The following ADGRG2 variants were observed in gnomAD, a reference collection of about 807,000 sequenced individuals.
The protein encoded by ADGRG2 is adhesion G protein-coupled receptor G2, also known as G protein-coupled receptor 64.
A neutral mutation model predicts 74.1 loss-of-function variants in ADGRG2; 26 were observed. The observed-to-expected ratio is 0.35, with a 90% CI of 0.26 to 0.49. The LOEUF (loss-of-function observed/expected upper bound fraction) is 0.49. Among genes scored for constraint, ADGRG2 ranks in the 20% least tolerant of loss-of-function variants. The pLI, the probability that ADGRG2 is intolerant of heterozygous loss-of-function variation, is 0.99. For synonymous variants in ADGRG2, 296 were observed against 295.2 expected, an observed-to-expected ratio of 1.00 and a Z score of -0.03; for missense variants, 619 against 763.1, an observed-to-expected ratio of 0.81 and a Z score of 2.22.
At chrX:19,093,902 T>TAC (rs61296210) in intron 1 of ADGRG2, among the ~76,000 whole-genome samples, 3,475 of 100,089 alleles carry the variant, frequency 0.035, 74 homozygotes, top group African/African-American at 0.066. Flanking sequence ...TATGTAGGTA[T>TAC]ACACACACAC....
intron 16 of ADGRG2, among the ~76,000 whole-genome samples, chrX:19,011,597 T>C (rs1420294695): frequency 1.8e-5 from 2 of 112,130 alleles, no homozygotes; most frequent in Admixed American, 9.4e-5. Flanking sequence ...CCCAGCACTT[T>C]GGGAGGCTCT....
intron 1 of ADGRG2, among the ~76,000 whole-genome samples, chrX:19,084,186 G>C (rs191822922): frequency 9.0e-6 from 1 of 110,933 alleles, no homozygotes; most frequent in East Asian, 2.9e-4. Context: ...ATTATCTTCA[G>C]CAAACTAATG....
chrX:19,020,670 T>TA (rs753681131), intron 14 of ADGRG2, among the ~76,000 whole-genome samples: 4 of 111,550 alleles, frequency 3.6e-5, no homozygotes, highest in Non-Finnish European at 7.5e-5. Flanking sequence ...TAGGGCTCTT[T>TA]AAAAATTGCC....
chrX:19,022,423 T>C lies in ADGRG2; in HGVS notation c.548+993A>G, dbSNP rs1216298375. On this transcript the variant is annotated intron_variant, in intron 13 of 28. Coordinates refer to ENST00000379869, the MANE Select transcript of ADGRG2 (RefSeq NM_001079858.3). ...AGGTCAGTGAAATGAACTAAATACG[T>C]ACAGTGGACAGGGAATACAATTTCA... Among the ~76,000 whole-genome samples, 3 of 111,865 alleles carry C rather than the reference T, an allele frequency of 2.7e-5. No individual in the cohort carries two copies. In the Admixed American group the frequency reaches 2.8e-4, roughly 11 times the overall value.
intron 2 of ADGRG2, 30 bp from the exon 3 acceptor site, chrX:19,068,865 T>C (rs753011653): frequency 1.4e-6 from 1 of 716,020 alleles, no homozygotes; most frequent in Non-Finnish European, 2.2e-6. Flanking sequence ...AGACAGATCA[T>C]CACAGCTGCC....
intron 6 of ADGRG2, among the ~76,000 whole-genome samples, chrX:19,036,605 A>G (rs1266795408): frequency 1.1e-5 from 1 of 88,030 alleles, no homozygotes; most frequent in Non-Finnish European, 2.3e-5. Flanking sequence ...CATTTATTAC[A>G]TCATACTTAA....
In ADGRG2 at chrX:19,004,742, G is replaced by A. The variant is rs143533363; in HGVS notation, c.1961+16C>T. ...TGCTGAGTCCTAAATCCAAATTTCC[G>A]GTTGTGGATACTCACTCAAAAGCTA... On this transcript the variant is annotated intron_variant, in intron 23 of 28. Transcript: ENST00000379869. 1,595 of 1,200,675 alleles carry A rather than the reference G, an allele frequency of 1.3e-3. 16 individuals are homozygous for A. In the African/African-American group the frequency reaches 0.023, roughly 17 times the overall value.
chrX:19,104,916 C>CAAA (rs1001242331), intron 1 of ADGRG2, among the ~76,000 whole-genome samples: 13 of 23,354 alleles, frequency 5.6e-4, no homozygotes, highest in African/African-American at 1.6e-3. Context: ...GACTCTGTCT[C>CAAA]AAAAAAAAAA....
intron 1 of ADGRG2, among the ~76,000 whole-genome samples, chrX:19,097,124 G>A (rs1200622715): frequency 1.8e-5 from 2 of 111,876 alleles, no homozygotes; most frequent in African/African-American, 6.5e-5. Context: ...TCTTCTTTCC[G>A]CTCCCACTTG....
chrX:19,040,686 T>C (rs1488540084), intron 3 of ADGRG2, among the ~76,000 whole-genome samples: 1 of 112,220 alleles, frequency 8.9e-6, no homozygotes, highest in African/African-American at 3.2e-5. Flanking sequence ...AAGCCATTTC[T>C]TTCTTATGAG....
chrX:19,053,891 C>T (rs1602012021), intron 3 of ADGRG2, among the ~76,000 whole-genome samples: 1 of 111,101 alleles, frequency 9.0e-6, no homozygotes, highest in African/African-American at 3.3e-5. Flanking sequence ...AAAGAGAGAG[C>T]CAAGTGAAAG....
intron 2 of ADGRG2, among the ~76,000 whole-genome samples, chrX:19,078,576 G>GA (rs1484124985): frequency 1.8e-5 from 2 of 109,343 alleles, no homozygotes; most frequent in Non-Finnish European, 1.9e-5. Flanking sequence ...AAAGATAAAA[G>GA]AAAAAAGAAA....
Position 19,005,982 on chromosome X carries a change from AC to A in ADGRG2, c.1839+19del. The A allele has an allele frequency of 5.6e-6, 6 of 1,063,296 alleles. No homozygotes were observed. Among genetic ancestry groups the A allele is most frequent in the Non-Finnish European group, 7.9e-6 (6 of 760,621 alleles). 87.6% of individuals were successfully genotyped at this position (1,063,296 alleles called of 1,213,427 possible). On this transcript the variant is annotated intron_variant, in intron 22 of 28. Transcript: ENST00000379869. ...CCCCTCAGACTCAGAATTTAAGGCC[AC>A]GTGGCACAGGCATATTACCAGCAGA...
chrX:19,098,725 T>C (rs1455973611), intron 1 of ADGRG2, among the ~76,000 whole-genome samples: 1 of 111,476 alleles, frequency 9.0e-6, no homozygotes, highest in Admixed American at 9.6e-5. Flanking sequence ...GACACCATCA[T>C]GAGAAGATGA....
At chrX:19,067,343 C>T (rs910243861) in intron 3 of ADGRG2, among the ~76,000 whole-genome samples, 2 of 112,208 alleles carry the variant, frequency 1.8e-5, no homozygotes, top group Non-Finnish European at 3.8e-5. Context: ...CCTAGACACC[C>T]TCCACTGGTA....
Position 19,065,794 on chromosome X carries a change from G to A in ADGRG2, c.118+2923C>T, listed in dbSNP as rs190091920. 3.8e-3 allele frequency among the ~76,000 whole-genome samples: 429 copies of A among 111,717 alleles called. 2 individuals carry two copies. Among genetic ancestry groups the A allele is most frequent in the African/African-American group, 0.013 (407 of 30,757 alleles). On this transcript the variant is annotated intron_variant, in intron 3 of 28. Coordinates refer to ENST00000379869, the MANE Select transcript of ADGRG2 (RefSeq NM_001079858.3). ...GGACTCTTGAGTTTTGCCCTGCCAAGCCCACAGTAATGTTTCAGTGCCCTA... is the reference window on the plus strand; with the variant it reads ...GGACTCTTGAGTTTTGCCCTGCCAAACCCACAGTAATGTTTCAGTGCCCTA...
rs985990237 is a variant in ADGRG2, at chrX:19,003,179, G to C, written c.1962-65C>G. ...CTGCCAACCCTCCAACTTTTTTTTG[G>C]TTTAAGATAAGGTCTGGCTCTGTCA... On this transcript the variant is annotated intron_variant, in intron 23 of 28. Transcript: ENST00000379869. The C allele has an allele frequency of 1.4e-5, 13 of 917,248 alleles. No individual in the cohort carries two copies. In the African/African-American group the frequency reaches 2.4e-4, roughly 17 times the overall value. 75.6% of individuals were successfully genotyped at this position (917,248 alleles called of 1,213,427 possible).
intron 1 of ADGRG2, among the ~76,000 whole-genome samples, chrX:19,093,145 CAACT>C (rs1259131843): frequency 8.9e-6 from 1 of 112,214 alleles, no homozygotes; most frequent in Non-Finnish European, 1.9e-5. Flanking sequence ...AGCTAGTCCT[CAACT>C]AACCTGCTCA....
rs776097674 is a variant in ADGRG2, at chrX:19,010,359, GAT to G, written c.1265+252_1265+253del. Among the ~76,000 whole-genome samples the G allele has an allele frequency of 6.3e-5, 7 of 110,850 alleles. No homozygotes were observed. The South Asian group carries it at 1.5e-3, about 24-fold the overall frequency. ...TAGTCTCAAACCCCTGACCTCAAGC[GAT>G]CCGCCCACCTCAGCCTCCCAGAGTG... On this transcript the variant is annotated intron_variant, in intron 17 of 28. Coordinates refer to ENST00000379869, the MANE Select transcript of ADGRG2 (RefSeq NM_001079858.3).
Sources: gnomAD v4.1 joint callset for allele counts (sites outside exome capture counted in the v4.1 genomes callset) on GRCh38, gnomAD v4.1.1 for gene constraint, MANE v1.5 for transcripts, NCBI Gene and HGNC (gene_info 2026-07-23, HGNC 2026-07-21) for gene names.